SEMA5A: variants seen among roughly 807,000 people sequenced by gnomAD.
SEMA5A encodes semaphorin 5A.
In SEMA5A, 55 loss-of-function variants were observed where a neutral mutation model predicts 135.5. The ratio of observed to expected loss-of-function variants is 0.41; its 90% CI spans 0.33 to 0.51. The LOEUF (loss-of-function observed/expected upper bound fraction) is 0.51, where lower values mean the gene tolerates loss of function less well. Ranked by LOEUF, SEMA5A falls within the 20% of genes least tolerant of loss-of-function variation. SEMA5A has a pLI of 0.37. For missense variants in SEMA5A, 1,290 were observed against 1,419.9 expected (o/e 0.91, Z 1.47); for synonymous variants, 580 against 546.5 (o/e 1.06, Z -0.85).
chr5:9,287,410 G>A (rs1460100620), intron 5 of SEMA5A, among the ~76,000 whole-genome samples: 2 of 152,020 alleles, frequency 1.3e-5, no homozygotes, highest in African/African-American at 4.8e-5. Context: ...CTAAAGCTGA[G>A]TATTTCTTTG....
In SEMA5A at chr5:9,351,399, C is replaced by A. The variant is rs576042681; in HGVS notation, c.125-13587G>T. Among the ~76,000 whole-genome samples the A allele has an allele frequency of 2.3e-4, 35 of 152,174 alleles. No individual in the cohort carries two copies. In the Middle Eastern group the frequency reaches 0.027, roughly 118 times the overall value. On this transcript the variant is annotated intron_variant, in intron 3 of 22. Transcript: ENST00000382496. Reference sequence around the variant, plus strand: ...AATAGATATGTGGCTAGAAACTAGACAAATGCCACTTATGATATAATTAGT... The same window carrying A: ...AATAGATATGTGGCTAGAAACTAGAAAAATGCCACTTATGATATAATTAGT...
At chr5:9,194,364 T>C (rs1477239853) in intron 10 of SEMA5A, among the ~76,000 whole-genome samples, 10 of 152,228 alleles carry the variant, frequency 6.6e-5, no homozygotes, top group Non-Finnish European at 1.0e-4. Flanking sequence ...CAATTCTGCT[T>C]TCTGCTTCTC....
In SEMA5A at chr5:9,283,374, T is replaced by C. The variant is rs530446991; in HGVS notation, c.270+34998A>G. ...TGACTGTAGGACTGAGACCTCTTGATACTAGGGAATGCCCACCCCTGTCTG... is the reference window on the plus strand; with the variant it reads ...TGACTGTAGGACTGAGACCTCTTGACACTAGGGAATGCCCACCCCTGTCTG... On this transcript the variant is annotated intron_variant, in intron 5 of 22. Transcript: ENST00000382496. 2.0e-5 allele frequency among the ~76,000 whole-genome samples: 3 copies of C among 152,154 alleles called. No individual in the cohort carries two copies. The South Asian group carries it at 6.2e-4, about 32-fold the overall frequency.
rs141767878 is a variant in SEMA5A, at chr5:9,226,869, C to T, written c.432G>A (p.Ser144=). The T allele has an allele frequency of 1.7e-4, 278 of 1,601,926 alleles. 1 individual carries two copies. Among genetic ancestry groups the T allele is most frequent in the Non-Finnish European group, 1.7e-4 (200 of 1,173,318 alleles). The change falls in exon 7 of 23, where the codon TCG becomes TCA. Residue 144 remains serine (S), a splice_region_variant and synonymous_variant. Transcript: ENST00000382496. ...NAFTPVCTNR[S]LSNLTEIHDQ... is the part of the protein sequence containing the mutation. ...TTTGAGGCACAAAAAGAAGCCATAC[C>T]GAGCGGTTGGTGCAGACAGGCGTGA...
chr5:9,271,221 T>C (rs1407718492), intron 5 of SEMA5A, among the ~76,000 whole-genome samples: 1 of 152,164 alleles, frequency 6.6e-6, no homozygotes, highest in Non-Finnish European at 1.5e-5. Flanking sequence ...AAAACGTGCT[T>C]GCTTACCCTT....
intron 2 of SEMA5A, among the ~76,000 whole-genome samples, chr5:9,425,044 T>C: frequency 6.6e-6 from 1 of 152,128 alleles, no homozygotes; most frequent in East Asian, 1.9e-4. Context: ...CTAATAGACA[T>C]AGAAGTTTCA....
intron 4 of SEMA5A, among the ~76,000 whole-genome samples, chr5:9,330,031 C>A (rs1350885502): frequency 6.6e-6 from 1 of 151,980 alleles, no homozygotes; most frequent in Non-Finnish European, 1.5e-5. Context: ...GTTAAATCTG[C>A]AGATGCAGAA....
Position 9,062,958 on chromosome 5 carries a change from G to T in SEMA5A, c.2447C>A (p.Pro816His). The change falls in exon 18 of 23, where the codon CCC (proline) becomes CAC (histidine). Residue 816 changes from proline (P) to histidine (H), a missense_variant. By Grantham distance (77) the Pro-to-His change is moderately conservative. Coordinates refer to ENST00000382496, the MANE Select transcript of SEMA5A (RefSeq NM_003966.3). ...AAGGCAAGGCATTCCCCCATACTTG[G>T]GTTCGGGGTTGTTGCAAACACGCTT... ...NRKRVCNNPEPKYGGMPCLGP... is the reference protein window; with the variant it reads ...NRKRVCNNPEHKYGGMPCLGP... 6.2e-7 allele frequency: 1 copy of T among 1,614,204 alleles called. No homozygotes were observed. The highest frequency in any genetic ancestry group is 8.5e-7 in the Non-Finnish European group (1 of 1,180,038).
intron 2 of SEMA5A, among the ~76,000 whole-genome samples, chr5:9,425,126 C>T (rs1465576373): frequency 6.6e-6 from 1 of 152,206 alleles, no homozygotes; most frequent in Non-Finnish European, 1.5e-5. Context: ...CACCACTGTC[C>T]CTTTCCCCAC....
At chr5:9,224,634 G>T in intron 8 of SEMA5A, 40 bp downstream of exon 8, 1 of 1,580,140 alleles carries the variant, frequency 6.3e-7, no homozygotes, top group South Asian at 1.1e-5. Context: ...AGGAATCAAA[G>T]ACAAATGAGG....
chr5:9,257,558 T>C (rs1161102363), intron 5 of SEMA5A, among the ~76,000 whole-genome samples: 1 of 151,674 alleles, frequency 6.6e-6, no homozygotes, highest in Non-Finnish European at 1.5e-5. Flanking sequence ...TAACACAAAA[T>C]GTGTGGTTTA....
chr5:9,045,618 C>A (rs1280400323), intron 21 of SEMA5A, among the ~76,000 whole-genome samples: 1 of 152,138 alleles, frequency 6.6e-6, no homozygotes, highest in Non-Finnish European at 1.5e-5. Context: ...TACTATCCTG[C>A]GTACCACTTT....
At chr5:9,458,663 ACT>A (rs1244763211) in intron 1 of SEMA5A, among the ~76,000 whole-genome samples, 2 of 152,056 alleles carry the variant, frequency 1.3e-5, no homozygotes, top group African/African-American at 4.8e-5. Flanking sequence ...GGGAGGGAAG[ACT>A]CTACAGAAAA....
rs529504980 is a variant in SEMA5A at position 9,044,558 on chromosome 5, C to T, written c.2920G>A (p.Val974Met). 40 of 1,613,812 alleles carry T rather than the reference C, an allele frequency of 2.5e-5. No homozygotes were observed. Among genetic ancestry groups the T allele is most frequent in the East Asian group, 8.9e-5 (4 of 44,894 alleles). ...GEFNMFHMIAVGLSSSILGCL... is the reference protein window; with the variant it reads ...GEFNMFHMIAMGLSSSILGCL... ...CCGAGGATGGAGCTGCTCAGCCCCA[C>T]GGCGATCATGTGGAACATGTTGAAC... is the stretch of plus-strand genomic sequence containing the variant. The change falls in exon 22 of 23, where the codon GTG becomes ATG. Residue 974 changes from valine (V) to methionine (M), a missense_variant. This residue lies in a region of SEMA5A where 1,029 missense variants were observed against 1,086.6 expected (regional missense o/e 0.95). Transcript: ENST00000382496.
intron 3 of SEMA5A, among the ~76,000 whole-genome samples, chr5:9,371,407 C>A (rs748933247): frequency 6.6e-6 from 1 of 152,168 alleles, no homozygotes; most frequent in Non-Finnish European, 1.5e-5. Flanking sequence ...AGAACCAATT[C>A]TCTTTGTTAA....
intron 2 of SEMA5A, among the ~76,000 whole-genome samples, chr5:9,384,384 G>A (rs6859592): frequency 0.015 from 2,267 of 151,974 alleles, 51 homozygotes; most frequent in African/African-American, 0.052. Context: ...ATATAATCCC[G>A]TGTTCTGGGC....
At chr5:9,144,073 A>G (rs1742202286) in intron 12 of SEMA5A, among the ~76,000 whole-genome samples, 1 of 152,174 alleles carries the variant, frequency 6.6e-6, no homozygotes, top group South Asian at 2.1e-4. Flanking sequence ...TCAGGAAGAA[A>G]AGAAAATAAT....
At chr5:9,254,571 A>G (rs1483466690) in intron 5 of SEMA5A, among the ~76,000 whole-genome samples, 1 of 152,188 alleles carries the variant, frequency 6.6e-6, no homozygotes, top group African/African-American at 2.4e-5. Context: ...GAAGCTGGAA[A>G]AACAGGAAAG....
Position 9,054,077 on chromosome 5 carries a change from T to G in SEMA5A, c.2689+10A>C. 1 of 1,599,156 alleles carries G rather than the reference T, an allele frequency of 6.3e-7. No homozygotes were observed. The highest frequency in any genetic ancestry group is 8.5e-7 in the Non-Finnish European group (1 of 1,174,244). ...TCTGAAAGCTGTGCAGTAGGTGAGG[T>G]GCCGCTTACCTGGGCAGGGCTGCGT... On this transcript the variant is annotated intron_variant, in intron 19 of 22. Transcript: ENST00000382496.
Sources: gnomAD v4.1 joint callset for allele counts (sites outside exome capture counted in the v4.1 genomes callset) on GRCh38, gnomAD v4.1.1 for gene constraint, gnomAD v4.1.1 regional missense constraint, MANE v1.5 for transcripts, NCBI Gene and HGNC (gene_info 2026-07-23, HGNC 2026-07-21) for gene names.